CUL1: variants seen among roughly 807,000 people sequenced by gnomAD.
CUL1 encodes the protein cullin-1.
CUL1 carries 24 observed loss-of-function variants against 118.0 expected under a neutral mutation model. The ratio of observed to expected loss-of-function variants is 0.20; its 90% CI spans 0.15 to 0.29. CUL1 has a LOEUF of 0.29. Ranked by LOEUF, CUL1 falls within the 10% of genes least tolerant of loss-of-function variation. The pLI, the probability that CUL1 is intolerant of heterozygous loss-of-function variation, is 1.00. For synonymous variants in CUL1, 332 were observed against 340.4 expected, an observed-to-expected ratio of 0.98 and a Z score of 0.27; for missense variants, 361 against 933.8, an observed-to-expected ratio of 0.39 and a Z score of 7.99.
chr7:148,729,398 C>G (rs1353472883), intron 1 of CUL1, among the ~76,000 whole-genome samples: 1 of 152,184 alleles, frequency 6.6e-6, no homozygotes. Context: ...GCTTCAAACT[C>G]AGGTCTCTCT....
chr7:148,701,437 G>A (rs568727573), intron 1 of CUL1, among the ~76,000 whole-genome samples: 14 of 152,192 alleles, frequency 9.2e-5, no homozygotes, highest in African/African-American at 3.1e-4. Flanking sequence ...AAAGTGCCAA[G>A]AAAACAGGTT....
intron 1 of CUL1, among the ~76,000 whole-genome samples, chr7:148,707,017 T>C (rs1022165402): frequency 1.3e-5 from 2 of 152,136 alleles, no homozygotes; most frequent in Admixed American, 6.5e-5. Flanking sequence ...ATATATCTTA[T>C]AGGGTATGTA....
At chr7:148,706,018 G>C (rs1037165456) in intron 1 of CUL1, among the ~76,000 whole-genome samples, 1 of 152,144 alleles carries the variant, frequency 6.6e-6, no homozygotes, top group African/African-American at 2.4e-5. Context: ...TGTGACAAGT[G>C]GATCATTTCA....
At chr7:148,760,985 A>G (rs1197184103) in intron 7 of CUL1, among the ~76,000 whole-genome samples, 2 of 152,124 alleles carry the variant, frequency 1.3e-5, no homozygotes, top group Admixed American at 1.3e-4. Flanking sequence ...TCCAGAAGTA[A>G]TGGGATTAGA....
chr7:148,712,179 G>A (rs1798073369), intron 1 of CUL1, among the ~76,000 whole-genome samples: 1 of 152,232 alleles, frequency 6.6e-6, no homozygotes, highest in Non-Finnish European at 1.5e-5. Flanking sequence ...AAGCTCTCCA[G>A]TAGCGGCTTT....
chr7:148,717,791 C>T (rs778590934), intron 1 of CUL1, among the ~76,000 whole-genome samples: 19 of 152,132 alleles, frequency 1.2e-4, no homozygotes, highest in Admixed American at 1.3e-4. Context: ...CTCTGAGAAA[C>T]GCTCAAAGCA....
Position 148,797,921 on chromosome 7 carries a change from A to C in CUL1, c.1948-16A>C, listed in dbSNP as rs763686557. ...CCTTTTCCTGAGATTGTAGAGTAACAATTGTTTTCTTACAGGTCTTGGAAG... is the reference window on the plus strand; with the variant it reads ...CCTTTTCCTGAGATTGTAGAGTAACCATTGTTTTCTTACAGGTCTTGGAAG... On this transcript the variant is annotated splice_polypyrimidine_tract_variant and intron_variant, in intron 18 of 21. Transcript: ENST00000325222. 3 of 1,612,018 alleles carry C rather than the reference A, an allele frequency of 1.9e-6. No individual in the cohort carries two copies. In the South Asian group the frequency reaches 3.3e-5, roughly 18 times the overall value.
intron 1 of CUL1, among the ~76,000 whole-genome samples, chr7:148,699,386 C>T (rs1436285766): frequency 6.6e-6 from 1 of 152,096 alleles, no homozygotes; most frequent in African/African-American, 2.4e-5. Context: ...GCTGGGTTCT[C>T]GGAGGGTGGG....
intron 2 of CUL1, among the ~76,000 whole-genome samples, chr7:148,739,218 G>A (rs1799061017): frequency 6.6e-6 from 1 of 152,192 alleles, no homozygotes; most frequent in Non-Finnish European, 1.5e-5. Flanking sequence ...GGGGCTGGTG[G>A]CCTGGACAGA....
At chr7:148,781,158 T>C (rs975411878) in intron 9 of CUL1, among the ~76,000 whole-genome samples, 1 of 138,966 alleles carries the variant, frequency 7.2e-6, no homozygotes, top group Non-Finnish European at 1.5e-5. Context: ...CTCGGCTCAC[T>C]GCATCCTCCA....
intron 2 of CUL1, 100 bp downstream of exon 2, chr7:148,730,362 T>G: frequency 7.7e-7 from 1 of 1,302,226 alleles, no homozygotes; most frequent in Non-Finnish European, 1.0e-6. Context: ...CTCCTCCCAG[T>G]TCATCATGTA....
At chr7:148,762,884 C>T (rs1212021057) in intron 7 of CUL1, among the ~76,000 whole-genome samples, 2 of 152,230 alleles carry the variant, frequency 1.3e-5, no homozygotes, top group East Asian at 1.9e-4. Context: ...CGGTGGCTCA[C>T]GCCTGTGATC....
intron 1 of CUL1, among the ~76,000 whole-genome samples, chr7:148,719,234 C>T (rs1177286476): frequency 6.6e-6 from 1 of 152,048 alleles, no homozygotes; most frequent in Non-Finnish European, 1.5e-5. Flanking sequence ...TGGCGTGAAC[C>T]CGGGAGGCGG....
rs1166460649 is a variant in CUL1, at chr7:148,784,003, T to A, written c.1224T>A (p.Val408=). 1 of 1,614,050 alleles carries A rather than the reference T, an allele frequency of 6.2e-7. No individual in the cohort carries two copies. The highest frequency in any genetic ancestry group is 1.7e-5 in the Admixed American group (1 of 59,988). Residue 408 remains valine (V), a synonymous_variant, in exon 11 of 22, where the codon GTT becomes GTA. Transcript: ENST00000325222. The part of the protein sequence containing the change: ...ACGRFINNNA[V]TKMAQSSSKS... Reference sequence around the variant, plus strand: ...GTCGCTTCATAAACAACAACGCGGTTACCAAGATGGCCCAATCATCCAGTA... The same window carrying A: ...GTCGCTTCATAAACAACAACGCGGTAACCAAGATGGCCCAATCATCCAGTA...
intron 2 of CUL1, among the ~76,000 whole-genome samples, chr7:148,731,079 G>C (rs1798748887): frequency 6.6e-6 from 1 of 152,128 alleles, no homozygotes; most frequent in African/African-American, 2.4e-5. Context: ...TATTCCTTTA[G>C]TTTTTGGTCC....
chr7:148,724,230 T>C (rs929941886), intron 1 of CUL1, among the ~76,000 whole-genome samples: 1 of 152,260 alleles, frequency 6.6e-6, no homozygotes, highest in Admixed American at 6.5e-5. Flanking sequence ...AGAAACAGCC[T>C]GTTTGATTAG....
At chr7:148,728,549 A>G (rs1456915804) in intron 1 of CUL1, among the ~76,000 whole-genome samples, 1 of 152,202 alleles carries the variant, frequency 6.6e-6, no homozygotes, top group African/African-American at 2.4e-5. Flanking sequence ...GCACATGGAA[A>G]CTACACATAG....
intron 1 of CUL1, among the ~76,000 whole-genome samples, chr7:148,710,494 G>A (rs1458419016): frequency 6.6e-6 from 1 of 152,130 alleles, no homozygotes; most frequent in South Asian, 2.1e-4. Context: ...GCTTGAACCC[G>A]GGAGGCGGAG....
At chr7:148,797,395 C>A (rs1260876945) in intron 17 of CUL1, among the ~76,000 whole-genome samples, 789 of 120,182 alleles carry the variant, frequency 6.6e-3, no homozygotes, top group African/African-American at 6.9e-3. Flanking sequence ...ACATGATGCT[C>A]AAAAAAAAAA....
Sources: gnomAD v4.1 joint callset for allele counts (sites outside exome capture counted in the v4.1 genomes callset) on GRCh38, gnomAD v4.1.1 for gene constraint, MANE v1.5 for transcripts, NCBI Gene and HGNC (gene_info 2026-07-23, HGNC 2026-07-21) for gene names.